Variants in DENND5B observed in about 807,000 individuals in gnomAD.
The protein encoded by DENND5B is DENN domain-containing protein 5B.
In DENND5B, 34 loss-of-function variants were observed where a neutral mutation model predicts 140.6. The observed-to-expected ratio is 0.24, with a 90% confidence interval of 0.18 to 0.32. The LOEUF is 0.32. Among genes scored for constraint, DENND5B ranks in the 10% least tolerant of loss-of-function variants. DENND5B has a pLI of 1.00. For missense variants in DENND5B, 1,142 were observed against 1,560.2 expected (o/e 0.73, Z 4.52); for synonymous variants, 551 against 562.1 (o/e 0.98, Z 0.28).
chr12:31,538,357 G>A (rs1182673263), intron 1 of DENND5B, among the ~76,000 whole-genome samples: 3 of 151,974 alleles, frequency 2.0e-5, no homozygotes, highest in African/African-American at 4.8e-5. Context: ...TCAATAATAA[G>A]TGGAATTATT....
intron 4 of DENND5B, among the ~76,000 whole-genome samples, chr12:31,458,375 C>A (rs1944876758): frequency 6.6e-6 from 1 of 152,172 alleles, no homozygotes; most frequent in Non-Finnish European, 1.5e-5. Context: ...ATCATTAAGT[C>A]TTCAAAACAA....
At chr12:31,435,698 TC>T (rs1943718335) in intron 7 of DENND5B, among the ~76,000 whole-genome samples, 1 of 152,122 alleles carries the variant, frequency 6.6e-6, no homozygotes, top group Non-Finnish European at 1.5e-5. Context: ...TCTTGTTCTG[TC>T]GCCCAGGCTG....
chr12:31,389,710 T>C (rs1194584847), intron 19 of DENND5B, among the ~76,000 whole-genome samples: 1 of 152,176 alleles, frequency 6.6e-6, no homozygotes. Flanking sequence ...TAATTTAGAC[T>C]GCATTCCAGA....
At chr12:31,537,297 A>G (rs76097624) in intron 1 of DENND5B, among the ~76,000 whole-genome samples, 1 of 152,298 alleles carries the variant, frequency 6.6e-6, no homozygotes, top group African/African-American at 2.4e-5. Flanking sequence ...ATAAATAAAA[A>G]CAACAAAAAG....
chr12:31,519,145 C>T (rs540535057), intron 1 of DENND5B, among the ~76,000 whole-genome samples: 1 of 152,292 alleles, frequency 6.6e-6, no homozygotes, highest in Admixed American at 6.5e-5. Context: ...AAACGATGCA[C>T]CAAATTTGCT....
chr12:31,429,495 G>A (rs1336011742), intron 8 of DENND5B, among the ~76,000 whole-genome samples: 12 of 152,028 alleles, frequency 7.9e-5, no homozygotes, highest in Non-Finnish European at 1.0e-4. Context: ...CACAAACTCC[G>A]CCTCCTGGGT....
At chr12:31,515,842 T>A (rs1330791148) in intron 1 of DENND5B, among the ~76,000 whole-genome samples, 1 of 152,212 alleles carries the variant, frequency 6.6e-6, no homozygotes, top group Admixed American at 6.5e-5. Flanking sequence ...CCAAGCATAT[T>A]AGGAATATAG....
chr12:31,486,569 T>C (rs529226629), intron 2 of DENND5B, among the ~76,000 whole-genome samples: 13 of 152,214 alleles, frequency 8.5e-5, no homozygotes, highest in Middle Eastern at 3.2e-3. Flanking sequence ...GCCTTCACAC[T>C]ACAACAGCAG....
chr12:31,580,570 C>T (rs1458970805), intron 1 of DENND5B, among the ~76,000 whole-genome samples: 1 of 152,134 alleles, frequency 6.6e-6, no homozygotes, highest in East Asian at 1.9e-4. Context: ...TCTCAGCTCA[C>T]TGCAACCTTG....
At chr12:31,555,803 G>A (rs1235477340) in intron 1 of DENND5B, among the ~76,000 whole-genome samples, 2 of 152,274 alleles carry the variant, frequency 1.3e-5, no homozygotes, top group Non-Finnish European at 2.9e-5. Flanking sequence ...GTTTGATCTC[G>A]GACTGCTATG....
intron 8 of DENND5B, among the ~76,000 whole-genome samples, chr12:31,431,316 A>T (rs1943498110): frequency 6.6e-6 from 1 of 152,212 alleles, no homozygotes; most frequent in Admixed American, 6.5e-5. Flanking sequence ...TGTAAAATAG[A>T]TTTAAGCTAG....
chr12:31,427,343 G>A (rs746665182), intron 8 of DENND5B, among the ~76,000 whole-genome samples: 33 of 152,054 alleles, frequency 2.2e-4, no homozygotes, highest in East Asian at 3.9e-4. Flanking sequence ...GGTGGCTCAC[G>A]TCTGTAATCC....
Position 31,430,481 on chromosome 12 carries a change from G to A in DENND5B, c.2106+2674C>T, listed in dbSNP as rs1366703018. 3.6e-4 allele frequency among the ~76,000 whole-genome samples: 36 copies of A among 99,140 alleles called. No homozygotes were observed. The South Asian group carries it at 0.012, about 33-fold the overall frequency. 65.0% of individuals were successfully genotyped at this position (99,140 alleles called of 152,430 possible). A position where few individuals can be genotyped will look rare whatever the true frequency, so the allele number is the denominator to read the frequency against. On this transcript the variant is annotated intron_variant, in intron 8 of 20. Transcript: ENST00000389082. ...ATCCTGGCCAACATGGTGAAACCCC[G>A]TCTCTACTAAAAATACAAAAAAAAA... is the stretch of plus-strand genomic sequence containing the variant.
chr12:31,494,999 A>G (rs1946702149), intron 2 of DENND5B, among the ~76,000 whole-genome samples: 1 of 152,192 alleles, frequency 6.6e-6, no homozygotes, highest in Non-Finnish European at 1.5e-5. Flanking sequence ...GACACCAAGA[A>G]GCTGGACTCC....
intron 5 of DENND5B, among the ~76,000 whole-genome samples, chr12:31,448,053 A>G (rs538998920): frequency 6.6e-5 from 10 of 152,256 alleles, no homozygotes; most frequent in East Asian, 5.8e-4. Context: ...AAGATGGCAG[A>G]TAAGTTGCTA....
chr12:31,503,027 AG>A (rs1211829314), intron 1 of DENND5B, among the ~76,000 whole-genome samples: 7 of 152,308 alleles, frequency 4.6e-5, no homozygotes, highest in Admixed American at 2.6e-4. Context: ...GGTGCCACAG[AG>A]GGCACAGAAG....
At chr12:31,565,717 T>G (rs553061784) in intron 1 of DENND5B, among the ~76,000 whole-genome samples, 53 of 152,302 alleles carry the variant, frequency 3.5e-4, no homozygotes, top group African/African-American at 1.3e-3. Flanking sequence ...GGGCCTGGAT[T>G]TGGACCCAGA....
chr12:31,494,127 ATCTCTC>A (rs1318141177), intron 2 of DENND5B, among the ~76,000 whole-genome samples: 1 of 151,268 alleles, frequency 6.6e-6, no homozygotes, highest in Non-Finnish European at 1.5e-5. Flanking sequence ...AAGGTTGACT[ATCTCTC>A]TATCTTCTAT....
At chr12:31,512,284 G>A (rs139631159) in intron 1 of DENND5B, among the ~76,000 whole-genome samples, 2,075 of 151,086 alleles carry the variant, frequency 0.014, 20 homozygotes, top group Non-Finnish European at 0.019. Flanking sequence ...TACAACTACG[G>A]TTCACTGTAG....
Sources: allele counts gnomAD v4.1 joint callset (sites outside exome capture counted in the v4.1 genomes callset), GRCh38; gene constraint gnomAD v4.1.1; transcripts MANE v1.5; gene names NCBI Gene and HGNC (gene_info 2026-07-23, HGNC 2026-07-21).